The following FLI1 variants were observed in gnomAD, a reference collection of about 807,000 sequenced individuals.
FLI1 encodes the protein Friend leukemia integration 1 transcription factor.
A neutral mutation model predicts 53.1 loss-of-function variants in FLI1; 13 were observed. The observed-to-expected ratio is 0.24, with a 90% CI of 0.16 to 0.39. The LOEUF (loss-of-function observed/expected upper bound fraction) is 0.39. Ranked by LOEUF, FLI1 falls within the 10% of genes least tolerant of loss-of-function variation. The probability of loss-of-function intolerance (pLI) is 1.00; values close to 1 mark genes in which losing one functional copy is unlikely to be tolerated. For missense variants in FLI1, 424 were observed against 600.5 expected (o/e 0.71, Z 3.07); for synonymous variants, 244 against 236.7 (o/e 1.03, Z -0.28).
Position 128,728,163 on chromosome 11 carries a change from C to G in FLI1, c.19-29952C>G, listed in dbSNP as rs144417649. 2.0e-5 allele frequency among the ~76,000 whole-genome samples: 3 copies of G among 152,226 alleles called. No individual in the cohort carries two copies. In the South Asian group the frequency reaches 6.2e-4, roughly 31 times the overall value. On this transcript the variant is annotated intron_variant, in intron 1 of 8. Coordinates refer to ENST00000527786, the MANE Select transcript of FLI1 (RefSeq NM_002017.5). Reference sequence around the variant, plus strand: ...CATGGAGTCTGATAGTGCAGCAGGCCGGGGGCTAACGCTGTCTCCACCCAG... The same window carrying G: ...CATGGAGTCTGATAGTGCAGCAGGCGGGGGGCTAACGCTGTCTCCACCCAG...
chr11:128,691,841 G>A (rs1177029646), upstream of FLI1: 1 of 152,312 alleles, frequency 6.6e-6, no homozygotes, highest in Admixed American at 6.5e-5. Context: ...ACAGGAGTTG[G>A]AAAGAGAAAC....
chr11:128,802,839 G>T (rs943037026), intron 5 of FLI1, among the ~76,000 whole-genome samples: 1 of 152,220 alleles, frequency 6.6e-6, no homozygotes. Context: ...GTTGGTGACA[G>T]GGAATTCCAT....
At chr11:128,741,613 CCTT>C (rs1565476590) in intron 1 of FLI1, among the ~76,000 whole-genome samples, 2 of 152,170 alleles carry the variant, frequency 1.3e-5, no homozygotes, top group Admixed American at 6.5e-5. Flanking sequence ...GTCCCCTTCT[CCTT>C]CTTGCTGTGT....
upstream of FLI1, chr11:128,693,227 G>A (rs895898595): frequency 2.6e-5 from 4 of 152,382 alleles, no homozygotes; most frequent in South Asian, 8.3e-4. Context: ...GGCACCGGGA[G>A]CCCAGGGTCG....
rs660407 is a variant in FLI1, at chr11:128,767,841, G to A, written c.231-277G>A. On this transcript the variant is annotated intron_variant, in intron 2 of 8. Transcript: ENST00000527786. ...GCTGCAGTCAGACAGGGAGGGCTGC[G>A]ATGCCACACAAAGAAGCTCAGACCT... 0.26 allele frequency among the ~76,000 whole-genome samples: 39,423 copies of A among 152,062 alleles called. 5,293 individuals carry two copies. The highest frequency in any genetic ancestry group is 0.34 in the Admixed American group (5,156 of 15,286).
chr11:128,781,873 C>G, intron 4 of FLI1, 85 bp from the exon 5 acceptor site: 1 of 1,081,604 alleles, frequency 9.2e-7, no homozygotes. Context: ...ATCTCTTTCC[C>G]TTTCTACTCC....
rs775179408 is a variant in FLI1, at chr11:128,758,162, G to A, written c.66G>A (p.Ala22=). ...VSDDQSLFDS[A]YGAAAHLPKA... ...ACGACCAGTCCCTCTTTGACTCAGC[G>A]TACGGAGCGGCAGCCCATCTCCCCA... Residue 22 remains alanine (A), a synonymous_variant, in exon 2 of 9, where the codon GCG becomes GCA. Coordinates refer to ENST00000527786, the MANE Select transcript of FLI1 (RefSeq NM_002017.5). 2.0e-5 allele frequency: 33 copies of A among 1,613,328 alleles called. No homozygotes were observed. The highest frequency in any genetic ancestry group is 2.2e-5 in the East Asian group (1 of 44,864).
At chr11:128,763,101 G>A (rs180688679) in intron 2 of FLI1, among the ~76,000 whole-genome samples, 3 of 152,324 alleles carry the variant, frequency 2.0e-5, no homozygotes, top group Admixed American at 2.0e-4. Flanking sequence ...TCTGAGTTAT[G>A]TCTTCATGCT....
At chr11:128,802,969 G>C (rs1436873723) in intron 5 of FLI1, among the ~76,000 whole-genome samples, 1 of 152,208 alleles carries the variant, frequency 6.6e-6, no homozygotes, top group East Asian at 1.9e-4. Context: ...GGCTCCAAAA[G>C]AAATAATTCT....
intron 1 of FLI1, among the ~76,000 whole-genome samples, chr11:128,744,764 A>G (rs1473450922): frequency 6.6e-6 from 1 of 152,252 alleles, no homozygotes; most frequent in Non-Finnish European, 1.5e-5. Context: ...AATCATGTCT[A>G]CAGAAAAGCA....
chr11:128,721,337 C>T (rs564813399), intron 1 of FLI1, among the ~76,000 whole-genome samples: 21 of 152,036 alleles, frequency 1.4e-4, no homozygotes, highest in Admixed American at 6.6e-4. Context: ...AGAATGGAGG[C>T]GAAGACAGAC....
At chr11:128,738,050 G>A (rs1939980280) in intron 1 of FLI1, among the ~76,000 whole-genome samples, 1 of 152,186 alleles carries the variant, frequency 6.6e-6, no homozygotes, top group Non-Finnish European at 1.5e-5. Context: ...ACAAGTCATG[G>A]CAAGGTTTTA....
chr11:128,751,241 A>G (rs1210610197), intron 1 of FLI1, among the ~76,000 whole-genome samples: 1 of 152,208 alleles, frequency 6.6e-6, no homozygotes, highest in East Asian at 1.9e-4. Context: ...TTAAACAATC[A>G]ACATTCGGAG....
At chr11:128,693,419 A>C (rs540662107), upstream of FLI1, 2 of 158,062 alleles carry the variant, frequency 1.3e-5, no homozygotes, top group Non-Finnish European at 2.8e-5. Flanking sequence ...TATTGGATGC[A>C]CTTTTTAATG....
intron 1 of FLI1, among the ~76,000 whole-genome samples, chr11:128,694,998 C>A (rs1378509967): frequency 1.3e-5 from 2 of 152,046 alleles, no homozygotes; most frequent in Non-Finnish European, 2.9e-5. Flanking sequence ...AGATCCCTAG[C>A]GCCCCGAGCC....
At chr11:128,699,646 C>G (rs571661375) in intron 1 of FLI1, among the ~76,000 whole-genome samples, 1 of 152,282 alleles carries the variant, frequency 6.6e-6, no homozygotes, top group Admixed American at 6.5e-5. Context: ...TTAATTGATC[C>G]ATGGGATGAT....
chr11:128,696,677 A>G (rs995910654), intron 1 of FLI1, among the ~76,000 whole-genome samples: 1 of 152,218 alleles, frequency 6.6e-6, no homozygotes, highest in Non-Finnish European at 1.5e-5. Flanking sequence ...ACGACACTCT[A>G]GAGAGAATCT....
intron 5 of FLI1, among the ~76,000 whole-genome samples, chr11:128,788,089 T>C (rs1214673017): frequency 6.6e-6 from 1 of 151,836 alleles, no homozygotes; most frequent in East Asian, 1.9e-4. Flanking sequence ...ATCCCGCTAA[T>C]TACAGTATTT....
Position 128,810,478 on chromosome 11 carries a change from G to T in FLI1, c.849G>T (p.Leu283=). ...GTGCAGGAAGCGGGCAGATCCAGCT[G>T]TGGCAATTCCTCCTGGAGCTGCTCT... ...LANPGSGQIQ[L]WQFLLELLSD... is the part of the protein sequence containing the mutation. Residue 283 remains leucine (L), a synonymous_variant, in exon 9 of 9, where the codon CTG becomes CTT. Transcript: ENST00000527786. This position sits in a 1 kb window ranked among gnomAD's most constrained non-coding sequence, Gnocchi z 6.6. 6.3e-7 allele frequency: 1 copy of T among 1,599,304 alleles called. No homozygotes were observed. The highest frequency in any genetic ancestry group is 1.3e-5 in the African/African-American group (1 of 74,750).
Sources: allele counts gnomAD v4.1 joint callset (sites outside exome capture counted in the v4.1 genomes callset), GRCh38; gene constraint gnomAD v4.1.1; non-coding constraint Gnocchi (gnomAD v3.1); transcripts MANE v1.5; gene names NCBI Gene and HGNC (gene_info 2026-07-23, HGNC 2026-07-21).